The following ZNF717 variants were observed in gnomAD, a reference collection of about 807,000 sequenced individuals.
ZNF717 encodes the protein krueppel-like factor X17.
In ZNF717, 9 loss-of-function variants were observed where a neutral mutation model predicts 13.8. The observed-to-expected ratio is 0.65, with a 90% CI of 0.39 to 1.14. The LOEUF is 1.14. Among genes scored for constraint, ZNF717 ranks in the 50% most tolerant of loss-of-function variants. The probability of loss-of-function intolerance (pLI) is 0.01; values close to 1 mark genes in which losing one functional copy is unlikely to be tolerated. For synonymous variants in ZNF717, 327 were observed against 364.1 expected (o/e 0.90, Z 1.16); for missense variants, 1,040 against 1,080.7 (o/e 0.96, Z 0.53).
intron 2 of ZNF717, among the ~76,000 whole-genome samples, chr3:75,753,847 A>AG (rs1387827265): frequency 6.6e-6 from 1 of 151,910 alleles, no homozygotes; most frequent in African/African-American, 2.4e-5. Context: ...TCCCTCACAT[A>AG]GGATTCCAGA....
chr3:75,723,248 C>CTTTTTTTTTTTT (rs112455865), intron 4 of ZNF717, among the ~76,000 whole-genome samples: 2 of 88,656 alleles, frequency 2.3e-5, no homozygotes, highest in African/African-American at 4.4e-5. Context: ...GACAATCTCA[C>CTTTTTTTTTTTT]TTTTTTTTTT....
At chr3:75,777,846 T>C (rs1394708278) in intron 2 of ZNF717, among the ~76,000 whole-genome samples, 2 of 144,046 alleles carry the variant, frequency 1.4e-5, no homozygotes, top group Non-Finnish European at 3.0e-5. Context: ...CCCAAAACAA[T>C]GGGAGTGATG....
At chr3:75,783,768 CAT>C (rs560037478) in intron 1 of ZNF717, among the ~76,000 whole-genome samples, 28 of 152,366 alleles carry the variant, frequency 1.8e-4, no homozygotes, top group South Asian at 6.2e-4. Context: ...CAAATAACTT[CAT>C]ATGAGTGTTC....
downstream of ZNF717, among the ~76,000 whole-genome samples, chr3:75,725,159 ACT>A (rs1257680170): frequency 2.6e-5 from 4 of 151,528 alleles, no homozygotes; most frequent in African/African-American, 7.3e-5. Context: ...TGAAACCCTC[ACT>A]CTCTCTCATC....
intron 2 of ZNF717, among the ~76,000 whole-genome samples, chr3:75,746,807 C>G (rs1348696745): frequency 6.6e-6 from 1 of 152,146 alleles, no homozygotes; most frequent in Non-Finnish European, 1.5e-5. Context: ...CATTTTCTCC[C>G]ATTCTGTAGG....
intron 6 of ZNF717, among the ~76,000 whole-genome samples, chr3:75,697,828 G>T: frequency 6.6e-6 from 1 of 152,312 alleles, no homozygotes; most frequent in African/African-American, 2.4e-5. Context: ...TTCAGAAGAA[G>T]ACAGAAAAAT....
intron 4 of ZNF717, among the ~76,000 whole-genome samples, chr3:75,724,402 T>TC (rs1938234524): frequency 2.0e-5 from 3 of 151,614 alleles, no homozygotes. Flanking sequence ...GCTTACATCA[T>TC]CACCCCTGGC....
chr3:75,750,949 C>A lies in ZNF717; in HGVS notation c.58-9213G>T, dbSNP rs1391019308. ...GAATGTTTGTCCCTCACATAGGATT[C>A]CAGAACACTCCTACTGTGGTCTGAA... On this transcript the variant is annotated intron_variant, in intron 2 of 4. Coordinates refer to ENST00000652011, the MANE Select transcript of ZNF717 (RefSeq NM_001290208.3). 2.8e-3 allele frequency among the ~76,000 whole-genome samples: 394 copies of A among 141,530 alleles called. 5 individuals carry two copies. The highest frequency in any genetic ancestry group is 9.7e-3 in the African/African-American group (378 of 38,866). 92.8% of individuals were successfully genotyped at this position (141,530 alleles called of 152,430 possible).
chr3:75,732,003 G>T, downstream of ZNF717: 1 of 699,514 alleles, frequency 1.4e-6, no homozygotes, highest in South Asian at 1.5e-5. Context: ...ACAACTCAAG[G>T]AGGTAAAAAC....
rs573950693 is a variant in ZNF717 at position 75,777,688 on chromosome 3, A to C, written c.57+5618T>G. Among the ~76,000 whole-genome samples, 14 of 152,058 alleles carry C rather than the reference A, an allele frequency of 9.2e-5. 1 individual carries two copies. The East Asian group carries it at 2.7e-3, about 30-fold the overall frequency. On this transcript the variant is annotated intron_variant, in intron 2 of 4. Coordinates refer to ENST00000652011, the MANE Select transcript of ZNF717 (RefSeq NM_001290208.3). ...CAAAACAATGGGAGTGACTTGCAAA[A>C]ACCAGAACCCAAAATAATGGGAGTG...
chr3:75,725,162 C>G (rs1441322012), downstream of ZNF717, among the ~76,000 whole-genome samples: 3 of 152,200 alleles, frequency 2.0e-5, no homozygotes, highest in African/African-American at 7.2e-5. Flanking sequence ...AACCCTCACT[C>G]TCTCTCATCT....
chr3:75,707,902 A>G (rs1221075169), downstream of ZNF717, among the ~76,000 whole-genome samples: 5 of 152,344 alleles, frequency 3.3e-5, no homozygotes, highest in African/African-American at 1.2e-4. Context: ...AGGCTGGGGG[A>G]GGGGCGCCTG....
intron 2 of ZNF717, among the ~76,000 whole-genome samples, chr3:75,750,856 G>C (rs1575830082): frequency 6.6e-6 from 1 of 151,590 alleles, no homozygotes; most frequent in South Asian, 2.1e-4. Flanking sequence ...TAGGATTCCA[G>C]AAGACTGCTA....
chr3:75,727,541 G>T (rs1330151837), downstream of ZNF717, among the ~76,000 whole-genome samples: 4 of 152,180 alleles, frequency 2.6e-5, no homozygotes, highest in African/African-American at 4.8e-5. Flanking sequence ...GCCGCTCTGG[G>T]AGTGTCTGTC....
chr3:75,707,965 A>G (rs1485274183), downstream of ZNF717, among the ~76,000 whole-genome samples: 1 of 151,472 alleles, frequency 6.6e-6, no homozygotes, highest in East Asian at 1.9e-4. Context: ...CTCGAACTGG[A>G]TGGAGCCCAC....
intron 5 of ZNF717, among the ~76,000 whole-genome samples, chr3:75,715,130 G>C (rs1475640493): frequency 6.6e-6 from 1 of 152,330 alleles, no homozygotes; most frequent in African/African-American, 2.4e-5. Context: ...ACCACAGTTT[G>C]GGTAAAGCAG....
intron 2 of ZNF717, among the ~76,000 whole-genome samples, chr3:75,760,842 G>GA (rs1445196970): frequency 2.2e-3 from 312 of 139,974 alleles, no homozygotes; most frequent in African/African-American, 6.8e-3. Flanking sequence ...AAAAAGAAAG[G>GA]AAAAAAAAAC....
chr3:75,738,443 G>C lies in ZNF717; in HGVS notation c.1180C>G (p.Pro394Ala), dbSNP rs1220918059. ...TTTCCACATTCACTACACTGATAGGGCTTTTCCCCTGAGTGAGTTCTGTGA... is the reference window on the plus strand; with the variant it reads ...TTTCCACATTCACTACACTGATAGGCCTTTTCCCCTGAGTGAGTTCTGTGA... ...LHHRTHSGEK[P>A]YQCSECGKTF... Residue 394 changes from proline to alanine, a missense_variant, in exon 5 of 5, where the codon CCC becomes GCC. Pro to Ala is a conservative substitution (Grantham distance 27). Transcript: ENST00000652011. The C allele has an allele frequency of 8.8e-5, 135 of 1,531,934 alleles. No individual in the cohort carries two copies. The highest frequency in any genetic ancestry group is 1.2e-4 in the Non-Finnish European group (132 of 1,132,802). The allele number at this position is 1,531,934 out of a possible 1,614,324, so 94.9% of individuals were successfully genotyped here.
At chr3:75,772,837 G>A (rs934608719) in intron 2 of ZNF717, among the ~76,000 whole-genome samples, 1 of 152,258 alleles carries the variant, frequency 6.6e-6, no homozygotes, top group African/African-American at 2.4e-5. Flanking sequence ...TGACACCCCA[G>A]GATTCAGTAA....
Sources: allele counts gnomAD v4.1 joint callset (sites outside exome capture counted in the v4.1 genomes callset), GRCh38; gene constraint gnomAD v4.1.1; transcripts MANE v1.5; gene names NCBI Gene and HGNC (gene_info 2026-07-23, HGNC 2026-07-21).